Variants in SERPINB6 observed in about 807,000 individuals in gnomAD.
The protein encoded by SERPINB6 is serpin B6.
In SERPINB6, 16 loss-of-function variants were observed where a neutral mutation model predicts 26.1. The ratio of observed to expected loss-of-function variants is 0.61; its 90% CI spans 0.42 to 0.93. The LOEUF is 0.93. Among genes scored for constraint, SERPINB6 ranks in the 40% least tolerant of loss-of-function variants. The pLI is 0.00. For synonymous variants in SERPINB6, 174 were observed against 176.6 expected (o/e 0.99, Z 0.11); for missense variants, 420 against 478.0 (o/e 0.88, Z 1.13).
chr6:2,955,645 C>G lies in SERPINB6; in HGVS notation c.191G>C (p.Gly64Ala). The G allele has an allele frequency of 6.2e-7, 1 of 1,614,158 alleles. No individual in the cohort carries two copies. The highest frequency in any genetic ancestry group is 8.5e-7 in the Non-Finnish European group (1 of 1,179,968). The change falls in exon 3 of 7, where the codon GGT becomes GCT. Residue 64 changes from glycine (G) to alanine (A), a missense_variant. Coordinates refer to ENST00000380539, the MANE Select transcript of SERPINB6 (RefSeq NM_004568.6). ...GAAGCCCTGGTGGATGTCTCCACCA[C>G]CGCCACTTTTATTGAAAGAAAGTAT... is the stretch of plus-strand genomic sequence containing the variant. ...AQILSFNKSG[G>A]GGDIHQGFQS...
intron 1 of SERPINB6, chr6:2,970,377 A>G (rs1484736443): frequency 8.9e-6 from 9 of 1,006,922 alleles, no homozygotes; most frequent in Non-Finnish European, 1.1e-5. Context: ...CAATGGATGC[A>G]ATTACTCAGA....
At position 2,951,402 on chromosome 6, in the gene SERPINB6, T is replaced by TA. The variant is rs1251893488; in HGVS notation, c.573+1641dup. 5.4e-3 allele frequency among the ~76,000 whole-genome samples: 757 copies of TA among 140,046 alleles called. 7 individuals carry two copies. Among genetic ancestry groups the TA allele is most frequent in the African/African-American group, 0.018 (656 of 36,746 alleles). The allele number at this position is 140,046 out of a possible 152,430, so 91.9% of individuals were successfully genotyped here. On this transcript the variant is annotated intron_variant, in intron 5 of 6. Transcript: ENST00000380539. ...ACTCTGTCTTGGAAAAAATAAAAAA[T>TA]AAAAAAAAAAAATAAGCATGGCTGT...
intron 1 of SERPINB6, chr6:2,961,178 C>T (rs1400884714): frequency 1.3e-5 from 2 of 152,224 alleles, no homozygotes; most frequent in Non-Finnish European, 2.9e-5. Flanking sequence ...GACAATAACT[C>T]ATACACCTGA....
At chr6:2,956,058 G>A in intron 2 of SERPINB6, 1 of 195,744 alleles carries the variant, frequency 5.1e-6, no homozygotes, top group Non-Finnish European at 1.1e-5. Context: ...CCTGGCGACA[G>A]AGTGAGACTC....
rs9405600 is a variant in SERPINB6 at position 2,971,332 on chromosome 6, G to T, written c.-11+201C>A. The T allele has an allele frequency of 0.3, 90,238 of 298,908 alleles. 14,985 individuals are homozygous for T. Among genetic ancestry groups the T allele is most frequent in the South Asian group, 0.35 (2,700 of 7,692 alleles). The allele number at this position is 298,908 out of a possible 1,614,324, so 18.5% of individuals were successfully genotyped here. On this transcript the variant is annotated intron_variant, in intron 1 of 6. Coordinates refer to ENST00000380539, the MANE Select transcript of SERPINB6 (RefSeq NM_004568.6). ...CTCGCCCGGGCCCCCGCCCCGCTGGGACTGCTGGGGTCACAGCCCCGCGCG... is the reference window on the plus strand; with the variant it reads ...CTCGCCCGGGCCCCCGCCCCGCTGGTACTGCTGGGGTCACAGCCCCGCGCG...
intron 5 of SERPINB6, among the ~76,000 whole-genome samples, chr6:2,951,740 CCT>C (rs1769836737): frequency 6.6e-6 from 1 of 152,220 alleles, no homozygotes. Context: ...CTTCCTTCAC[CCT>C]TCTTCACTGC....
intron 3 of SERPINB6, chr6:2,955,121 C>T (rs904553864): frequency 1.1e-5 from 3 of 266,562 alleles, no homozygotes; most frequent in East Asian, 9.7e-5. Flanking sequence ...ACCCAGAAGG[C>T]GGAGGTTGCA....
intron 5 of SERPINB6, among the ~76,000 whole-genome samples, chr6:2,949,656 C>T (rs1769554879): frequency 6.6e-6 from 1 of 152,228 alleles, no homozygotes; most frequent in Admixed American, 6.5e-5. Context: ...TGCTACCAGC[C>T]TAGCCCTGGA....
At chr6:2,965,937 T>C (rs2113329176) in intron 1 of SERPINB6, among the ~76,000 whole-genome samples, 1 of 152,368 alleles carries the variant, frequency 6.6e-6, no homozygotes, top group East Asian at 1.9e-4. Flanking sequence ...CATATCTGAC[T>C]AGTTAGGGCA....
intron 5 of SERPINB6, among the ~76,000 whole-genome samples, chr6:2,951,423 G>C (rs1769802592): frequency 6.6e-6 from 1 of 151,254 alleles, no homozygotes; most frequent in African/African-American, 2.4e-5. Context: ...AATAAGCATG[G>C]CTGTGTTTCA....
At chr6:2,959,676 G>A in intron 1 of SERPINB6, 1 of 381,358 alleles carries the variant, frequency 2.6e-6, no homozygotes, top group Non-Finnish European at 4.9e-6. Flanking sequence ...ACTGGCTTTT[G>A]CTTCTATGTT....
At chr6:2,968,373 T>G in intron 1 of SERPINB6, 15 of 519,898 alleles carry the variant, frequency 2.9e-5, no homozygotes, top group Non-Finnish European at 3.5e-5. Context: ...ACCTGGGGGA[T>G]GAAATAACCT....
At chr6:2,952,903 C>A (rs989782501) in intron 5 of SERPINB6, 141 bp downstream of exon 5, 5 of 1,237,554 alleles carry the variant, frequency 4.0e-6, no homozygotes, top group Non-Finnish European at 5.8e-6. Flanking sequence ...TGCCAGGCGC[C>A]CAGGGACACG....
At chr6:2,956,914 T>G (rs187172366) in intron 2 of SERPINB6, 1 of 152,110 alleles carries the variant, frequency 6.6e-6, no homozygotes, top group Non-Finnish European at 1.5e-5. Flanking sequence ...ATGAGTGACC[T>G]GCACTGCTTC....
intron 2 of SERPINB6, chr6:2,956,764 T>C (rs1288402923): frequency 6.6e-6 from 1 of 151,200 alleles, no homozygotes; most frequent in Admixed American, 6.6e-5. Flanking sequence ...GAGGTTGCAG[T>C]GAGCCGACAT....
Position 2,948,516 on chromosome 6 carries a change from T to A in SERPINB6, c.913A>T (p.Met305Leu). Residue 305 changes from methionine to leucine, a missense_variant, in exon 7 of 7, where the codon ATG (methionine) becomes TTG (leucine). Transcript: ENST00000380539. This position sits in a 1 kb window ranked among gnomAD's most constrained non-coding sequence, Gnocchi z 5.0. ...FELGKADFSG[M>L]SQTDLSLSKV... ...GACAGAGACAGGTCTGTCTGGGACATTCCAGAGAAGTCTGCCTTGCCCAGC... is the reference window on the plus strand; with the variant it reads ...GACAGAGACAGGTCTGTCTGGGACAATCCAGAGAAGTCTGCCTTGCCCAGC... The A allele has an allele frequency of 6.2e-7, 1 of 1,614,148 alleles. No homozygotes were observed. Among genetic ancestry groups the A allele is most frequent in the Non-Finnish European group, 8.5e-7 (1 of 1,180,004 alleles).
At chr6:2,956,791 A>C (rs190292294) in intron 2 of SERPINB6, 2 of 151,794 alleles carry the variant, frequency 1.3e-5, no homozygotes, top group African/African-American at 4.9e-5. Context: ...ATTGTGCTCC[A>C]GCCTGGGCAA....
chr6:2,968,753 C>A, intron 1 of SERPINB6: 1 of 1,231,606 alleles, frequency 8.1e-7, no homozygotes, highest in Non-Finnish European at 1.0e-6. Flanking sequence ...GAGGAAAACA[C>A]AAACAATGCT....
At chr6:2,963,360 T>A (rs76649040) in intron 1 of SERPINB6, 1 of 152,220 alleles carries the variant, frequency 6.6e-6, no homozygotes, top group Non-Finnish European at 1.5e-5. Context: ...CTACGTTTTA[T>A]AAGCAAAGAA....
Sources: gnomAD v4.1 joint callset for allele counts (sites outside exome capture counted in the v4.1 genomes callset) on GRCh38, gnomAD v4.1.1 for gene constraint, Gnocchi (gnomAD v3.1) non-coding constraint, MANE v1.5 for transcripts, NCBI Gene and HGNC (gene_info 2026-07-23, HGNC 2026-07-21) for gene names.